The following DYNC1H1 variants were observed in gnomAD, a reference collection of about 807,000 sequenced individuals.
DYNC1H1 encodes cytoplasmic dynein 1 heavy chain 1.
A neutral mutation model predicts 527.1 loss-of-function variants in DYNC1H1; 51 were observed. That is an observed-to-expected ratio of 0.10 (90% CI 0.08 to 0.12). The LOEUF (loss-of-function observed/expected upper bound fraction) is 0.12, where lower values mean the gene tolerates loss of function less well. Among genes scored for constraint, DYNC1H1 ranks in the 10% least tolerant of loss-of-function variants. The probability of loss-of-function intolerance (pLI) is 1.00; values close to 1 mark genes in which losing one functional copy is unlikely to be tolerated. For missense variants in DYNC1H1, 2,771 were observed against 5,971.8 expected (o/e 0.46, Z 17.66); for synonymous variants, 2,189 against 2,278.8 (o/e 0.96, Z 1.12).
chr14:102,004,442 A>T, intron 23 of DYNC1H1, 76 bp from the exon 24 acceptor site: 1 of 1,481,840 alleles, frequency 6.7e-7, no homozygotes, highest in African/African-American at 1.4e-5. Context: ...CCCTTCCTGC[A>T]GTTTGAAATC....
Position 102,001,510 on chromosome 14 carries a change from A to G in DYNC1H1, c.4396-25A>G, listed in dbSNP as rs2251644. 0.14 allele frequency: 226,805 copies of G among 1,613,774 alleles called. 20,358 individuals carry two copies. The highest frequency in any genetic ancestry group is 0.39 in the African/African-American group (29,549 of 74,912). ...TAGTGAATGCCCACATATTGATAAC[A>G]TGCATCTTTCTGGTTTGAATTCAGA... On this transcript the variant is annotated intron_variant, in intron 20 of 77. Transcript: ENST00000360184. The surrounding 1 kb of genome is among the most constrained non-coding windows in gnomAD (Gnocchi z 5.0).
chr14:102,012,310 C>G lies in DYNC1H1; in HGVS notation c.6858-4C>G. ...GCAGCTATTTTAAAATCCTTCCCAACCAGGATCATCGACAGCGTGAGAGGC... is the reference window on the plus strand; with the variant it reads ...GCAGCTATTTTAAAATCCTTCCCAAGCAGGATCATCGACAGCGTGAGAGGC... On this transcript the variant is annotated splice_region_variant and splice_polypyrimidine_tract_variant and intron_variant, in intron 33 of 77. Coordinates refer to ENST00000360184, the MANE Select transcript of DYNC1H1 (RefSeq NM_001376.5). This position sits in a 1 kb window ranked among gnomAD's most constrained non-coding sequence, Gnocchi z 4.9. 1 of 1,614,200 alleles carries G rather than the reference C, an allele frequency of 6.2e-7. No individual in the cohort carries two copies. Among genetic ancestry groups the G allele is most frequent in the Non-Finnish European group, 8.5e-7 (1 of 1,180,052 alleles).
chr14:102,001,448 CCTTTTGGTT>C lies in DYNC1H1; in HGVS notation c.4396-83_4396-75del. On this transcript the variant is annotated intron_variant, in intron 20 of 77. Transcript: ENST00000360184. This position sits in a 1 kb window ranked among gnomAD's most constrained non-coding sequence, Gnocchi z 5.0. ...AAAATGGAGCCTTGTCATCTGTGGT[CCTTTTGGTT>C]CTTATAATGCTGGGTCCCTTGTGCA... The C allele has an allele frequency of 2.5e-6, 4 of 1,612,672 alleles. No individual in the cohort carries two copies. Among genetic ancestry groups the C allele is most frequent in the Non-Finnish European group, 3.4e-6 (4 of 1,178,982 alleles).
chr14:102,002,989 C>G lies in DYNC1H1; in HGVS notation c.4883+24C>G. 6.2e-7 allele frequency: 1 copy of G among 1,613,564 alleles called. No homozygotes were observed. The highest frequency in any genetic ancestry group is 8.5e-7 in the Non-Finnish European group (1 of 1,179,980). On this transcript the variant is annotated intron_variant, in intron 23 of 77. Coordinates refer to ENST00000360184, the MANE Select transcript of DYNC1H1 (RefSeq NM_001376.5). This position sits in a 1 kb window ranked among gnomAD's most constrained non-coding sequence, Gnocchi z 4.4. Reference sequence around the variant, plus strand: ...AGGTAAGATCCTTGCTTTGACTTGGCCTGGAGTCAAGTTGAATTTCAGTTG... The same window carrying G: ...AGGTAAGATCCTTGCTTTGACTTGGGCTGGAGTCAAGTTGAATTTCAGTTG...
In DYNC1H1 at chr14:102,043,866, C is replaced by T; in HGVS notation, c.12514-9C>T. ...TAATGACTCTGTGCTTGGTCACTTTCCTCACCAGTCTCCCAACGAGCGTGC... is the reference window on the plus strand; with the variant it reads ...TAATGACTCTGTGCTTGGTCACTTTTCTCACCAGTCTCCCAACGAGCGTGC... On this transcript the variant is annotated splice_polypyrimidine_tract_variant and intron_variant, in intron 69 of 77. Transcript: ENST00000360184. 1.9e-6 allele frequency: 3 copies of T among 1,614,190 alleles called. No individual in the cohort carries two copies. The highest frequency in any genetic ancestry group is 2.5e-6 in the Non-Finnish European group (3 of 1,180,042).
chr14:101,964,726 G>T lies in DYNC1H1; in HGVS notation c.35G>T (p.Gly12Val), dbSNP rs1371114431. ...CCCGGGGGCGGCGGCGGCGAGGACG[G>T]CTCGGCCGGATTGGAAGTGTCGGCC... The part of the protein sequence containing the change: ...SEPGGGGGED[G>V]SAGLEVSAVQ... The change falls in exon 1 of 78, where the codon GGC becomes GTC. Residue 12 changes from glycine to valine, a missense_variant. Gly to Val is a moderately radical substitution (Grantham distance 109). Coordinates refer to ENST00000360184, the MANE Select transcript of DYNC1H1 (RefSeq NM_001376.5). This position sits in a 1 kb window ranked among gnomAD's most constrained non-coding sequence, Gnocchi z 5.5. 1.9e-6 allele frequency: 3 copies of T among 1,596,184 alleles called. No homozygotes were observed. Among genetic ancestry groups the T allele is most frequent in the Non-Finnish European group, 8.5e-7 (1 of 1,175,652 alleles).
intron 72 of DYNC1H1, among the ~76,000 whole-genome samples, chr14:102,047,225 T>C (rs888811414): frequency 2.0e-5 from 3 of 152,186 alleles, no homozygotes; most frequent in Non-Finnish European, 4.4e-5. Flanking sequence ...CAGGCCATTG[T>C]CTGTGCTTTA....
At chr14:102,004,998 A>AT in intron 25 of DYNC1H1, 44 bp from the exon 26 acceptor site, 1 of 1,614,232 alleles carries the variant, frequency 6.2e-7, no homozygotes, top group East Asian at 2.2e-5. Flanking sequence ...ACGCAGACCA[A>AT]TCTTTAAAAT....
chr14:101,997,768 G>C lies in DYNC1H1; in HGVS notation c.3804+494G>C, dbSNP rs575439448. On this transcript the variant is annotated intron_variant, in intron 16 of 77. Coordinates refer to ENST00000360184, the MANE Select transcript of DYNC1H1 (RefSeq NM_001376.5). This position sits in a 1 kb window ranked among gnomAD's most constrained non-coding sequence, Gnocchi z 4.8. ...TGCATTGAAGTATTTATTGAGCACC[G>C]ACTGTGTTCCAGGCCTTGTTCTAGG... Among the ~76,000 whole-genome samples the C allele has an allele frequency of 6.6e-6, 1 of 152,178 alleles. No homozygotes were observed. Among genetic ancestry groups the C allele is most frequent in the African/African-American group, 2.4e-5 (1 of 41,428 alleles).
rs139070737 is a variant in DYNC1H1 at position 102,007,009 on chromosome 14, A to C, written c.5718A>C (p.Gly1906=). Residue 1906 remains glycine (G), a splice_region_variant and synonymous_variant, in exon 28 of 78, where the codon GGA becomes GGC. Transcript: ENST00000360184. ...LEARLGGSPF[G]PAGTGKTESV... The stretch of plus-strand genomic sequence containing the variant: ...ACTCTGTTGCTTTTCTTTAAACAGG[A>C]CCTGCTGGAACTGGGAAAACAGAGT... 9.6e-5 allele frequency: 155 copies of C among 1,614,188 alleles called. No individual in the cohort carries two copies. Among genetic ancestry groups the C allele is most frequent in the African/African-American group, 9.2e-4 (69 of 75,056 alleles).
At chr14:102,003,521 TA>T (rs2048156148) in intron 23 of DYNC1H1, among the ~76,000 whole-genome samples, 1 of 152,194 alleles carries the variant, frequency 6.6e-6, no homozygotes, top group Non-Finnish European at 1.5e-5. Flanking sequence ...CTAAGTCACC[TA>T]AGTGCTAGGA....
rs749887344 is a variant in DYNC1H1, at chr14:101,986,085, C to T, written c.1860C>T (p.His620=). Residue 620 remains histidine (H), a synonymous_variant, in exon 8 of 78, where the codon CAC becomes CAT. Transcript: ENST00000360184. The surrounding 1 kb of genome is among the most constrained non-coding windows in gnomAD (Gnocchi z 8.7). ...TGAAAGATGACATTGAGTCTCTTCA[C>T]GACAAGTTCAAGGTCCAGTACCCAC... ...QRVKDDIESL[H]DKFKVQYPQS... is the part of the protein sequence containing the mutation. 41 of 1,614,082 alleles carry T rather than the reference C, an allele frequency of 2.5e-5. No individual in the cohort carries two copies. The highest frequency in any genetic ancestry group is 1.6e-4 in the Middle Eastern group (1 of 6,084).
chr14:102,033,132 A>C lies in DYNC1H1; in HGVS notation c.10147A>C (p.Asn3383His). 2 of 1,614,262 alleles carry C rather than the reference A, an allele frequency of 1.2e-6. No homozygotes were observed. The highest frequency in any genetic ancestry group is 1.7e-6 in the Non-Finnish European group (2 of 1,180,048). Residue 3383 changes from asparagine to histidine, a missense_variant, in exon 53 of 78, where the codon AAT (asparagine) becomes CAT (histidine). This residue lies in a region of DYNC1H1 where 283 missense variants were observed against 737.6 expected (regional missense o/e 0.38). Coordinates refer to ENST00000360184, the MANE Select transcript of DYNC1H1 (RefSeq NM_001376.5). This position sits in a 1 kb window ranked among gnomAD's most constrained non-coding sequence, Gnocchi z 5.6. ...TCCAAGTTACAATTATGAAATTGTG[A>C]ATCGGGCTTCCCTGGCTTGCGGCCC... is the stretch of plus-strand genomic sequence containing the variant. ...SNPSYNYEIV[N>H]RASLACGPMV...
Position 102,000,411 on chromosome 14 carries a change from A to C in DYNC1H1, c.4074+12A>C. The C allele has an allele frequency of 6.2e-7, 1 of 1,613,048 alleles. No homozygotes were observed. On this transcript the variant is annotated intron_variant, in intron 18 of 77. Coordinates refer to ENST00000360184, the MANE Select transcript of DYNC1H1 (RefSeq NM_001376.5). ...TACAGCCTCGAAAGGTATATCATGA[A>C]ATCGGTGTTTGTGTACGTCTATTTT...
Position 102,010,099 on chromosome 14 carries a change from G to T in DYNC1H1, c.6221+13G>T, listed in dbSNP as rs17541088. On this transcript the variant is annotated intron_variant, in intron 30 of 77. Transcript: ENST00000360184. This position sits in a 1 kb window ranked among gnomAD's most constrained non-coding sequence, Gnocchi z 6.0. ...TCCCGTTTTTTAAGTAAGTAGCCTA[G>T]AATTCTTCATAATCATGTTTCTTGC... The T allele has an allele frequency of 2.5e-3, 3,982 of 1,613,352 alleles. 92 individuals are homozygous for T. The African/African-American group carries it at 0.047, about 19-fold the overall frequency.
chr14:101,975,873 A>G (rs1343145747), intron 2 of DYNC1H1, 74 bp downstream of exon 2: 2 of 1,227,664 alleles, frequency 1.6e-6, no homozygotes, highest in African/African-American at 3.0e-5. Context: ...TTTTCTTTTC[A>G]AACTCAGAAA....
intron 72 of DYNC1H1, among the ~76,000 whole-genome samples, chr14:102,046,860 G>A (rs1308180382): frequency 1.3e-5 from 2 of 151,300 alleles, no homozygotes; most frequent in African/African-American, 4.9e-5. Context: ...GTGCAGTGGT[G>A]CAATCAGAGC....
chr14:102,048,689 C>T lies in DYNC1H1; in HGVS notation c.13372+20C>T, dbSNP rs1344013196. Reference sequence around the variant, plus strand: ...TGAAAGGTGCGTGAGAGGCCGAACTCGTGGTGTGGCTTCCGGCGGGCACCT... The same window carrying T: ...TGAAAGGTGCGTGAGAGGCCGAACTTGTGGTGTGGCTTCCGGCGGGCACCT... On this transcript the variant is annotated intron_variant, in intron 74 of 77. Transcript: ENST00000360184. 4 of 1,609,810 alleles carry T rather than the reference C, an allele frequency of 2.5e-6. No individual in the cohort carries two copies. Among genetic ancestry groups the T allele is most frequent in the East Asian group, 2.2e-5 (1 of 44,760 alleles).
At chr14:102,047,503 C>T (rs1267557425) in intron 72 of DYNC1H1, among the ~76,000 whole-genome samples, 1 of 151,784 alleles carries the variant, frequency 6.6e-6, no homozygotes, top group African/African-American at 2.4e-5. Flanking sequence ...CGCCACTGCA[C>T]TCCAGTCTGG....
Sources: allele counts gnomAD v4.1 joint callset (sites outside exome capture counted in the v4.1 genomes callset), GRCh38; gene constraint gnomAD v4.1.1; regional missense constraint gnomAD v4.1.1; non-coding constraint Gnocchi (gnomAD v3.1); transcripts MANE v1.5; gene names NCBI Gene and HGNC (gene_info 2026-07-23, HGNC 2026-07-21).